Variants in DMXL2 observed in about 807,000 individuals in gnomAD.
DMXL2 encodes Dmx like 2.
A neutral mutation model predicts 331.1 loss-of-function variants in DMXL2; 103 were observed. The observed-to-expected ratio is 0.31, with a 90% CI of 0.27 to 0.37. The LOEUF is 0.37. Ranked by LOEUF, DMXL2 falls within the 10% of genes least tolerant of loss-of-function variation. The probability of loss-of-function intolerance (pLI) is 1.00; values close to 1 mark genes in which losing one functional copy is unlikely to be tolerated. For synonymous variants in DMXL2, 1,281 were observed against 1,252.1 expected, an observed-to-expected ratio of 1.02 and a Z score of -0.49; for missense variants, 3,171 against 3,642.9, an observed-to-expected ratio of 0.87 and a Z score of 3.33.
chr15:51,596,958 T>C (rs573781795), intron 1 of DMXL2, among the ~76,000 whole-genome samples: 11 of 152,204 alleles, frequency 7.2e-5, no homozygotes, highest in African/African-American at 2.4e-4. Flanking sequence ...CATTAGGAGA[T>C]ATACCTAATG....
chr15:51,595,854 A>G (rs1232129264), intron 1 of DMXL2, among the ~76,000 whole-genome samples: 1 of 152,218 alleles, frequency 6.6e-6, no homozygotes, highest in East Asian at 1.9e-4. Flanking sequence ...TGCTGGGAAA[A>G]CTGGCTAGCC....
chr15:51,533,272 C>A (rs2140856255), intron 13 of DMXL2, among the ~76,000 whole-genome samples: 1 of 152,220 alleles, frequency 6.6e-6, no homozygotes, highest in African/African-American at 2.4e-5. Context: ...ATCTTCCCAT[C>A]TCATTCCCAA....
intron 1 of DMXL2, among the ~76,000 whole-genome samples, chr15:51,618,685 AG>A (rs1360384517): frequency 1.3e-5 from 2 of 152,222 alleles, no homozygotes; most frequent in Non-Finnish European, 2.9e-5. Context: ...GTGATTAAAA[AG>A]TAACTTTTGC....
At chr15:51,605,143 C>G (rs2053490779) in intron 1 of DMXL2, among the ~76,000 whole-genome samples, 1 of 151,952 alleles carries the variant, frequency 6.6e-6, no homozygotes, top group African/African-American at 2.4e-5. Flanking sequence ...ATACAAAAAA[C>G]ATCTTAGCAT....
intron 41 of DMXL2, among the ~76,000 whole-genome samples, chr15:51,452,157 A>G (rs1454490972): frequency 6.6e-6 from 1 of 152,206 alleles, no homozygotes; most frequent in Non-Finnish European, 1.5e-5. Flanking sequence ...AAGATGGGTC[A>G]AACTTAAATC....
chr15:51,573,666 GA>G (rs2050819306), intron 2 of DMXL2, among the ~76,000 whole-genome samples: 2 of 151,864 alleles, frequency 1.3e-5, no homozygotes, highest in Admixed American at 1.3e-4. Flanking sequence ...GACACTGGGG[GA>G]AACATCACAC....
chr15:51,458,840 T>A (rs763396855), intron 34 of DMXL2, 45 bp from the exon 35 acceptor site: 1 of 1,476,378 alleles, frequency 6.8e-7, no homozygotes, highest in South Asian at 1.1e-5. Flanking sequence ...AGCACAGCTC[T>A]ATTTAGAGTT....
chr15:51,513,559 A>C (rs2046876054), intron 15 of DMXL2, among the ~76,000 whole-genome samples: 1 of 152,218 alleles, frequency 6.6e-6, no homozygotes, highest in Non-Finnish European at 1.5e-5. Context: ...TCTGATTTTC[A>C]CTAAAGCGAA....
chr15:51,450,590 T>A, intron 42 of DMXL2: 1 of 474,518 alleles, frequency 2.1e-6, no homozygotes, highest in Non-Finnish European at 3.8e-6. Flanking sequence ...AAAGAAAGTT[T>A]AAACCTTAAG....
At position 51,480,967 on chromosome 15, in the gene DMXL2, A is replaced by G. The variant is rs1567008211; in HGVS notation, c.6139T>C (p.Cys2047Arg). Residue 2047 changes from cysteine to arginine, a missense_variant, in exon 24 of 44, where the codon TGT (cysteine) becomes CGT (arginine). Transcript: ENST00000560891. ...VIAEQLKFRA[C>R]LKILMTELRT... ...AATTCAGTCATAAGGATCTTTAAAC[A>G]AGCTCTGAATTTTAGTTGTTCAGCA... The G allele has an allele frequency of 3.1e-6, 5 of 1,614,128 alleles. No homozygotes were observed. The South Asian group carries it at 5.5e-5, about 18-fold the overall frequency.
At chr15:51,449,795 A>C (rs76732541) in intron 43 of DMXL2, among the ~76,000 whole-genome samples, 1,760 of 152,266 alleles carry the variant, frequency 0.012, 26 homozygotes, top group East Asian at 0.026. Flanking sequence ...ACCACACACA[A>C]GAGTACTGAG....
intron 6 of DMXL2, among the ~76,000 whole-genome samples, chr15:51,551,876 A>G (rs2049243259): frequency 6.6e-6 from 1 of 152,250 alleles, no homozygotes; most frequent in African/African-American, 2.4e-5. Context: ...AATTGTGATA[A>G]GCACTATAAG....
intron 13 of DMXL2, among the ~76,000 whole-genome samples, chr15:51,527,281 T>C (rs1410422312): frequency 6.6e-6 from 1 of 151,892 alleles, no homozygotes; most frequent in Admixed American, 6.6e-5. Context: ...CCTAGAAGAG[T>C]GTATCTAGTA....
intron 1 of DMXL2, among the ~76,000 whole-genome samples, chr15:51,611,691 T>G (rs2053980777): frequency 6.6e-6 from 1 of 152,206 alleles, no homozygotes; most frequent in Non-Finnish European, 1.5e-5. Context: ...TCAAAAGTAT[T>G]AGTATCCCCA....
In DMXL2 at chr15:51,450,273, A is replaced by G. The variant is rs1407041727; in HGVS notation, c.8823T>C (p.Gly2941=). ...APKQQLLISG[G]RKGHVCIFDI... ...CAAAAATGCAGACGTGTCCTTTCCTACCCCCCGAGATTAGGAGTTGCTGTT... is the reference window on the plus strand; with the variant it reads ...CAAAAATGCAGACGTGTCCTTTCCTGCCCCCCGAGATTAGGAGTTGCTGTT... Residue 2941 remains glycine (G), a synonymous_variant, in exon 43 of 44, where the codon GGT becomes GGC. Transcript: ENST00000560891. The G allele has an allele frequency of 2.5e-6, 4 of 1,613,028 alleles. No homozygotes were observed. In the Admixed American group the frequency reaches 5.0e-5, roughly 20 times the overall value.
chr15:51,571,607 T>C (rs923862279), intron 2 of DMXL2, among the ~76,000 whole-genome samples: 1 of 152,114 alleles, frequency 6.6e-6, no homozygotes, highest in African/African-American at 2.4e-5. Flanking sequence ...AGCGCAATCA[T>C]ATTAGAACTC....
chr15:51,484,229 A>T (rs1347832596), intron 23 of DMXL2, among the ~76,000 whole-genome samples: 1 of 152,200 alleles, frequency 6.6e-6, no homozygotes, highest in Non-Finnish European at 1.5e-5. Flanking sequence ...TGCTTCTGGC[A>T]GGCACACCTC....
intron 13 of DMXL2, among the ~76,000 whole-genome samples, chr15:51,528,023 T>C (rs1233321253): frequency 6.6e-6 from 1 of 152,150 alleles, no homozygotes; most frequent in Non-Finnish European, 1.5e-5. Flanking sequence ...TAGCTTAAAA[T>C]AATGGGTTGT....
Position 51,456,168 on chromosome 15 carries a change from A to G in DMXL2, c.8424T>C (p.Ser2808=). The G allele has an allele frequency of 8.7e-6, 14 of 1,614,118 alleles. No homozygotes were observed. The highest frequency in any genetic ancestry group is 1.1e-5 in the South Asian group (1 of 91,074). Residue 2808 remains serine (S), a synonymous_variant, in exon 39 of 44, where the codon AGT becomes AGC. Transcript: ENST00000560891. ...QYYLTGAQDG[S]VRMFEWTRPQ... ...GCCGCGTCCATTCAAACATTCGTAC[A>G]CTGCCGTCCTGAGCACCTGTAAGAT...
Sources: gnomAD v4.1 joint callset for allele counts (sites outside exome capture counted in the v4.1 genomes callset) on GRCh38, gnomAD v4.1.1 for gene constraint, MANE v1.5 for transcripts, NCBI Gene and HGNC (gene_info 2026-07-23, HGNC 2026-07-21) for gene names.